The following GRAP2 variants were observed in gnomAD, a reference collection of about 807,000 sequenced individuals.
The protein encoded by GRAP2 is GRB2 related adaptor protein 2.
Under a neutral mutation model 43.5 loss-of-function variants are expected in GRAP2, and 31 were observed. The ratio of observed to expected loss-of-function variants is 0.71; its 90% CI spans 0.54 to 0.96. The LOEUF (loss-of-function observed/expected upper bound fraction) is 0.96, where lower values mean the gene tolerates loss of function less well. Ranked by LOEUF, GRAP2 falls within the 40% of genes least tolerant of loss-of-function variation. The probability of loss-of-function intolerance (pLI) is 0.00; values close to 1 mark genes in which losing one functional copy is unlikely to be tolerated. For missense variants in GRAP2, 371 were observed against 424.4 expected (o/e 0.87, Z 1.11); for synonymous variants, 156 against 164.8 (o/e 0.95, Z 0.41).
At chr22:39,955,603 G>A (rs1269056266) in intron 2 of GRAP2, among the ~76,000 whole-genome samples, 1 of 152,186 alleles carries the variant, frequency 6.6e-6, no homozygotes, top group Non-Finnish European at 1.5e-5. Flanking sequence ...CAAGTGGACA[G>A]AAATAACCTG....
intron 1 of GRAP2, among the ~76,000 whole-genome samples, chr22:39,904,743 T>A (rs1411308480): frequency 6.6e-6 from 1 of 152,148 alleles, no homozygotes; most frequent in Non-Finnish European, 1.5e-5. Context: ...TACCATTTTT[T>A]AAAAAAAGAA....
At chr22:39,968,403 A>T in intron 6 of GRAP2, 131 bp downstream of exon 6, 1 of 982,626 alleles carries the variant, frequency 1.0e-6, no homozygotes, top group Non-Finnish European at 1.5e-6. Context: ...AATGGCAGAA[A>T]TAGGGAAACT....
At chr22:39,958,585 T>C (rs1200167425) in intron 3 of GRAP2, among the ~76,000 whole-genome samples, 1 of 152,188 alleles carries the variant, frequency 6.6e-6, no homozygotes, top group Non-Finnish European at 1.5e-5. Context: ...GAATATGTAT[T>C]ATTGAAACCA....
rs754447049 is a variant in GRAP2 at position 39,938,866 on chromosome 22, A to G, written c.-14-8227A>G. Reference sequence around the variant, plus strand: ...GGGCTACTGTTCAAACGCCATCCTCATGGTCTCCAAGACTTGCATCAGCAG... The same window carrying G: ...GGGCTACTGTTCAAACGCCATCCTCGTGGTCTCCAAGACTTGCATCAGCAG... On this transcript the variant is annotated intron_variant, in intron 1 of 7. Coordinates refer to ENST00000344138, the MANE Select transcript of GRAP2 (RefSeq NM_004810.4). Among the ~76,000 whole-genome samples, 182 of 152,288 alleles carry G rather than the reference A, an allele frequency of 1.2e-3. 1 individual carries two copies. The highest frequency in any genetic ancestry group is 6.9e-4 in the Non-Finnish European group (47 of 68,004).
At chr22:39,952,024 T>TG (rs1311238224) in intron 2 of GRAP2, among the ~76,000 whole-genome samples, 1 of 150,912 alleles carries the variant, frequency 6.6e-6, no homozygotes, top group Admixed American at 6.6e-5. Context: ...GTGTGGTTTT[T>TG]TTTTTTTTTT....
At chr22:39,921,965 C>G (rs949398287) in intron 1 of GRAP2, among the ~76,000 whole-genome samples, 10 of 152,292 alleles carry the variant, frequency 6.6e-5, no homozygotes, top group African/African-American at 2.4e-4. Context: ...AAGTTGAGTT[C>G]CATCATATTG....
At chr22:39,924,202 C>T (rs1198314600) in intron 1 of GRAP2, among the ~76,000 whole-genome samples, 1 of 152,140 alleles carries the variant, frequency 6.6e-6, no homozygotes, top group Non-Finnish European at 1.5e-5. Context: ...CTTTAAGCTC[C>T]CAGGAAATGC....
chr22:39,968,106 G>A lies in GRAP2; in HGVS notation c.524G>A (p.Gly175Glu). Residue 175 changes from glycine to glutamate, a missense_variant, in exon 6 of 8, where the codon GGA becomes GAA. Physicochemically the swap from Gly to Glu is moderately conservative, Grantham distance 98. Transcript: ENST00000344138. ...QGGPHLSGAV[G>E]EEIRPSMNRK... Reference sequence around the variant, plus strand: ...GGCCCACACCTCAGTGGGGCTGTGGGAGAAGAAATCCGACCTTCGATGAAC... The same window carrying A: ...GGCCCACACCTCAGTGGGGCTGTGGAAGAAGAAATCCGACCTTCGATGAAC... 1 of 1,611,176 alleles carries A rather than the reference G, an allele frequency of 6.2e-7. No homozygotes were observed. Among genetic ancestry groups the A allele is most frequent in the Non-Finnish European group, 8.5e-7 (1 of 1,178,680 alleles).
intron 1 of GRAP2, among the ~76,000 whole-genome samples, chr22:39,914,781 C>T (rs2066591144): frequency 6.6e-6 from 1 of 152,250 alleles, no homozygotes; most frequent in South Asian, 2.1e-4. Context: ...ATCAAAGTTA[C>T]AACAGATGAG....
At chr22:39,934,319 T>C (rs972673723) in intron 1 of GRAP2, among the ~76,000 whole-genome samples, 2 of 152,128 alleles carry the variant, frequency 1.3e-5, no homozygotes, top group African/African-American at 2.4e-5. Context: ...AATGACAACC[T>C]GGAGGAGGTC....
At chr22:39,937,450 A>C (rs1183224309) in intron 1 of GRAP2, among the ~76,000 whole-genome samples, 1 of 152,202 alleles carries the variant, frequency 6.6e-6, no homozygotes, top group Admixed American at 6.5e-5. Context: ...AGGACTCCAC[A>C]GGCAATAGGG....
chr22:39,953,902 C>T (rs925990465), intron 2 of GRAP2, among the ~76,000 whole-genome samples: 26 of 152,224 alleles, frequency 1.7e-4, no homozygotes, highest in Admixed American at 2.6e-4. Flanking sequence ...CATGAGCCAT[C>T]GCACCCAGCC....
At chr22:39,920,573 C>T (rs1427275869) in intron 1 of GRAP2, among the ~76,000 whole-genome samples, 3 of 152,116 alleles carry the variant, frequency 2.0e-5, no homozygotes, top group Non-Finnish European at 4.4e-5. Context: ...TTGGCACAGG[C>T]ATTTGAGTTG....
intron 3 of GRAP2, 23 bp downstream of exon 3, chr22:39,955,933 G>C (rs1199060367): frequency 9.7e-7 from 1 of 1,032,978 alleles, no homozygotes; most frequent in Non-Finnish European, 1.5e-6. Context: ...AGCCTGCTGA[G>C]ATGGGCCTAG....
chr22:39,969,393 T>C lies in GRAP2; in HGVS notation c.691-18T>C. On this transcript the variant is annotated intron_variant, in intron 6 of 7. Transcript: ENST00000344138. Reference sequence around the variant, plus strand: ...GTCCTGGCAGTGGGGTGACCAGTCTTCTGTTGTATGTTTCTAGGAACGCCG... The same window carrying C: ...GTCCTGGCAGTGGGGTGACCAGTCTCCTGTTGTATGTTTCTAGGAACGCCG... The C allele has an allele frequency of 6.2e-7, 1 of 1,613,204 alleles. No homozygotes were observed. The highest frequency in any genetic ancestry group is 8.5e-7 in the Non-Finnish European group (1 of 1,179,482).
chr22:39,910,845 G>A (rs1441857110), intron 1 of GRAP2, among the ~76,000 whole-genome samples: 3 of 152,088 alleles, frequency 2.0e-5, no homozygotes, highest in African/African-American at 7.2e-5. Context: ...TTCAGAGCTA[G>A]GGTATTAGCT....
At chr22:39,947,496 C>T (rs1230803944) in intron 2 of GRAP2, 2 of 350,188 alleles carry the variant, frequency 5.7e-6, no homozygotes, top group Non-Finnish European at 1.1e-5. Context: ...GTGATTCCAT[C>T]TTGAAAGATG....
At chr22:39,957,262 C>T (rs981538101) in intron 3 of GRAP2, among the ~76,000 whole-genome samples, 9 of 152,174 alleles carry the variant, frequency 5.9e-5, no homozygotes, top group South Asian at 2.1e-4. Flanking sequence ...CTGACCTTGA[C>T]GGAACCCTTG....
chr22:39,964,845 C>T, intron 4 of GRAP2: 1 of 304,856 alleles, frequency 3.3e-6, no homozygotes, highest in Non-Finnish European at 6.0e-6. Context: ...GCTCTTTGGT[C>T]GTTGTTCTAC....
Sources: allele counts gnomAD v4.1 joint callset (sites outside exome capture counted in the v4.1 genomes callset), GRCh38; gene constraint gnomAD v4.1.1; transcripts MANE v1.5; gene names NCBI Gene and HGNC (gene_info 2026-07-23, HGNC 2026-07-21).